Variants in MSI2 observed in about 807,000 individuals in gnomAD.
The protein encoded by MSI2 is RNA-binding protein Musashi homolog 2.
MSI2 carries 17 observed loss-of-function variants against 45.6 expected under a neutral mutation model. The ratio of observed to expected loss-of-function variants is 0.37; its 90% CI spans 0.26 to 0.56. The LOEUF (loss-of-function observed/expected upper bound fraction) is 0.56, where lower values mean the gene tolerates loss of function less well. Among genes scored for constraint, MSI2 ranks in the 20% least tolerant of loss-of-function variants. MSI2 has a pLI of 0.77. For synonymous variants in MSI2, 156 were observed against 158.2 expected, an observed-to-expected ratio of 0.99 and a Z score of 0.11; for missense variants, 293 against 444.2, an observed-to-expected ratio of 0.66 and a Z score of 3.06.
chr17:57,470,446 T>A (rs1001326467), intron 6 of MSI2, among the ~76,000 whole-genome samples: 1 of 151,912 alleles, frequency 6.6e-6, no homozygotes, highest in African/African-American at 2.4e-5. Flanking sequence ...CCTGGCTAAT[T>A]TTTGTATTTT....
At chr17:57,585,263 T>G (rs954406756) in intron 7 of MSI2, among the ~76,000 whole-genome samples, 3 of 152,218 alleles carry the variant, frequency 2.0e-5, no homozygotes, top group African/African-American at 7.2e-5. Context: ...GTCAAGTGGA[T>G]TTTAACAAGT....
intron 6 of MSI2, among the ~76,000 whole-genome samples, chr17:57,488,951 T>C (rs932664750): frequency 1.6e-4 from 25 of 152,108 alleles, no homozygotes; most frequent in African/African-American, 6.0e-4. Flanking sequence ...CCCATGAGTG[T>C]CTCTCGGTTG....
chr17:57,674,258 GAGTAGCC>G (rs1913049546), intron 11 of MSI2, among the ~76,000 whole-genome samples: 1 of 127,712 alleles, frequency 7.8e-6, no homozygotes, highest in South Asian at 3.1e-4. Context: ...GGAAGGGAGG[GAGTAGCC>G]AGTGGGGAGG....
chr17:57,548,694 G>A (rs1457018024), intron 7 of MSI2, among the ~76,000 whole-genome samples: 1 of 152,020 alleles, frequency 6.6e-6, no homozygotes, highest in Non-Finnish European at 1.5e-5. Context: ...GGAGCGGGTG[G>A]GGGTGGTGCA....
intron 6 of MSI2, among the ~76,000 whole-genome samples, chr17:57,441,218 G>C (rs2084794203): frequency 6.6e-6 from 1 of 152,188 alleles, no homozygotes; most frequent in Admixed American, 6.5e-5. Context: ...GGCTGACCAA[G>C]GAGAGGGAGA....
chr17:57,683,791 C>T lies in MSI2; in HGVS notation c.*4274C>T, dbSNP rs945440265. The T allele has an allele frequency of 7.8e-5, 18 of 231,708 alleles. No homozygotes were observed. Among genetic ancestry groups the T allele is most frequent in the Non-Finnish European group, 8.5e-5 (10 of 117,352 alleles). 14.4% of individuals were successfully genotyped at this position (231,708 alleles called of 1,614,324 possible). On this transcript the variant is annotated 3_prime_UTR_variant, in exon 14 of 14. Transcript: ENST00000284073. The surrounding 1 kb of genome is among the most constrained non-coding windows in gnomAD (Gnocchi z 5.2). ...CAAGCACATTGAAGAAAGACACTGGCGGGTTTCCCCACCCTCACCCCAAAG... is the reference window on the plus strand; with the variant it reads ...CAAGCACATTGAAGAAAGACACTGGTGGGTTTCCCCACCCTCACCCCAAAG...
intron 5 of MSI2, among the ~76,000 whole-genome samples, chr17:57,359,216 C>T (rs1249668736): frequency 6.6e-6 from 1 of 152,200 alleles, no homozygotes; most frequent in African/African-American, 2.4e-5. Context: ...AGAGCCAGCC[C>T]ATCAAGCTGT....
At chr17:57,289,070 G>A (rs143836252) in intron 5 of MSI2, among the ~76,000 whole-genome samples, 3 of 152,292 alleles carry the variant, frequency 2.0e-5, no homozygotes, top group Non-Finnish European at 4.4e-5. Flanking sequence ...GTTCTGTTCT[G>A]CATGGATTGG....
intron 6 of MSI2, among the ~76,000 whole-genome samples, chr17:57,434,055 C>A (rs931996857): frequency 1.3e-5 from 2 of 152,064 alleles, no homozygotes. Flanking sequence ...TTAATACATC[C>A]ATCACTTCAC....
At chr17:57,511,062 TGGA>T (rs1332862711) in intron 6 of MSI2, among the ~76,000 whole-genome samples, 1 of 152,168 alleles carries the variant, frequency 6.6e-6, no homozygotes, top group African/African-American at 2.4e-5. Context: ...CTTGACCCTT[TGGA>T]GGAGGTCACC....
chr17:57,372,412 G>T (rs1314402616), intron 5 of MSI2, among the ~76,000 whole-genome samples: 1 of 152,232 alleles, frequency 6.6e-6, no homozygotes, highest in Non-Finnish European at 1.5e-5. Flanking sequence ...GAATGAGGAA[G>T]ATTCCTGCTG....
At chr17:57,617,868 C>A (rs765737710) in intron 9 of MSI2, among the ~76,000 whole-genome samples, 1 of 152,034 alleles carries the variant, frequency 6.6e-6, no homozygotes, top group Non-Finnish European at 1.5e-5. Flanking sequence ...GTCAGGAGTT[C>A]AAGACCAGTG....
intron 7 of MSI2, among the ~76,000 whole-genome samples, chr17:57,589,163 C>T (rs1291030946): frequency 6.6e-6 from 1 of 152,144 alleles, no homozygotes; most frequent in African/African-American, 2.4e-5. Context: ...CTGATCATCA[C>T]CCACCCTTTC....
intron 6 of MSI2, among the ~76,000 whole-genome samples, chr17:57,484,817 C>T (rs188406438): frequency 4.0e-4 from 61 of 152,292 alleles, no homozygotes; most frequent in Middle Eastern, 3.4e-3. Flanking sequence ...GTCAGCAATG[C>T]CACCATTTCC....
intron 7 of MSI2, among the ~76,000 whole-genome samples, chr17:57,556,428 A>G (rs757342001): frequency 5.9e-5 from 9 of 152,246 alleles, no homozygotes; most frequent in Non-Finnish European, 1.3e-4. Flanking sequence ...GACATCAGTT[A>G]GAAATGTAAG....
At chr17:57,355,609 G>T (rs792380) in intron 5 of MSI2, among the ~76,000 whole-genome samples, 1 of 152,102 alleles carries the variant, frequency 6.6e-6, no homozygotes, top group Non-Finnish European at 1.5e-5. Context: ...GCTGATTTTC[G>T]TGGTTACCAC....
At chr17:57,338,920 A>C (rs1471429627) in intron 5 of MSI2, among the ~76,000 whole-genome samples, 1 of 151,858 alleles carries the variant, frequency 6.6e-6, no homozygotes, top group African/African-American at 2.4e-5. Flanking sequence ...TTGTTCTTTT[A>C]ATGCAACTGG....
the MSI2 span, among the ~76,000 whole-genome samples, chr17:57,695,462 A>G: frequency 6.6e-6 from 1 of 152,114 alleles, no homozygotes; most frequent in Admixed American, 6.5e-5. Context: ...ACTTCCCTCC[A>G]TTTTCTGAAG....
At chr17:57,526,056 C>T (rs2086689537) in intron 6 of MSI2, among the ~76,000 whole-genome samples, 2 of 152,086 alleles carry the variant, frequency 1.3e-5, no homozygotes, top group South Asian at 4.1e-4. Context: ...GAAACCCCGT[C>T]TCTACTAAAA....
Sources: gnomAD v4.1 joint callset for allele counts (sites outside exome capture counted in the v4.1 genomes callset) on GRCh38, gnomAD v4.1.1 for gene constraint, Gnocchi (gnomAD v3.1) non-coding constraint, MANE v1.5 for transcripts, NCBI Gene and HGNC (gene_info 2026-07-23, HGNC 2026-07-21) for gene names.